Variants in RTTN observed in about 807,000 individuals in gnomAD.
RTTN encodes the protein rotatin.
A neutral mutation model predicts 269.2 loss-of-function variants in RTTN; 182 were observed. The ratio of observed to expected loss-of-function variants is 0.68; its 90% CI spans 0.60 to 0.76. The LOEUF (loss-of-function observed/expected upper bound fraction) is 0.76. Ranked by LOEUF, RTTN falls within the 30% of genes least tolerant of loss-of-function variation. The pLI, the probability that RTTN is intolerant of heterozygous loss-of-function variation, is 0.00. For missense variants in RTTN, 2,545 were observed against 2,608.6 expected, an observed-to-expected ratio of 0.98 and a Z score of 0.53; for synonymous variants, 1,006 against 963.5, an observed-to-expected ratio of 1.04 and a Z score of -0.82.
At chr18:70,161,271 T>G (rs573553006) in intron 14 of RTTN, among the ~76,000 whole-genome samples, 33 of 152,236 alleles carry the variant, frequency 2.2e-4, no homozygotes, top group African/African-American at 7.9e-4. Context: ...CAGTAAACAG[T>G]GCTGGAATAA....
chr18:70,014,888 G>A (rs1199452933), intron 46 of RTTN, among the ~76,000 whole-genome samples: 1 of 152,076 alleles, frequency 6.6e-6, no homozygotes, highest in Non-Finnish European at 1.5e-5. Context: ...AAATGCACTT[G>A]GGGCAAAATA....
intron 32 of RTTN, among the ~76,000 whole-genome samples, chr18:70,080,928 T>TCTCACA (rs1491280568): frequency 4.8e-5 from 7 of 146,796 alleles, no homozygotes; most frequent in African/African-American, 1.5e-4. Context: ...GTGTGTGGTA[T>TCTCACA]CACACACACA....
intron 46 of RTTN, chr18:70,008,485 A>G (rs1310803520): frequency 6.6e-6 from 1 of 152,086 alleles, no homozygotes; most frequent in African/African-American, 2.4e-5. Flanking sequence ...TTCTAACCCA[A>G]TGCAAGGAAG....
intron 27 of RTTN, among the ~76,000 whole-genome samples, chr18:70,111,469 C>T (rs2059464731): frequency 6.6e-6 from 1 of 152,092 alleles, no homozygotes; most frequent in Non-Finnish European, 1.5e-5. Context: ...AGCACATGGG[C>T]CTGTCAGAAG....
intron 40 of RTTN, among the ~76,000 whole-genome samples, chr18:70,036,228 T>C (rs942594024): frequency 4.6e-5 from 7 of 152,144 alleles, no homozygotes; most frequent in Non-Finnish European, 7.3e-5. Context: ...CATTCTATCA[T>C]AAAGACACAT....
chr18:70,204,563 C>G (rs1211334287), intron 2 of RTTN, among the ~76,000 whole-genome samples: 7 of 152,110 alleles, frequency 4.6e-5, no homozygotes, highest in Admixed American at 1.3e-4. Context: ...TGACACTCAC[C>G]TTATGGTCCC....
At chr18:70,128,600 C>A in intron 23 of RTTN, 54 bp from the exon 24 acceptor site, 1 of 1,489,448 alleles carries the variant, frequency 6.7e-7, no homozygotes, top group South Asian at 1.2e-5. Context: ...AAATGCTACT[C>A]AAAAAGATGA....
At chr18:70,027,599 G>A (rs977254877) in intron 43 of RTTN, among the ~76,000 whole-genome samples, 1 of 152,010 alleles carries the variant, frequency 6.6e-6, no homozygotes, top group South Asian at 2.1e-4. Context: ...TGTCATGAAT[G>A]AATATTAACT....
At chr18:70,087,093 C>T (rs543757055) in intron 31 of RTTN, among the ~76,000 whole-genome samples, 2 of 151,788 alleles carry the variant, frequency 1.3e-5, no homozygotes, top group African/African-American at 4.8e-5. Context: ...CCCTCTGCCC[C>T]GCTTTCTCCC....
chr18:70,153,032 C>T (rs17233857), intron 14 of RTTN, among the ~76,000 whole-genome samples: 3,350 of 152,176 alleles, frequency 0.022, 52 homozygotes, highest in Middle Eastern at 0.041. Context: ...TCGTGAAACA[C>T]GCAAAGTACA....
intron 40 of RTTN, among the ~76,000 whole-genome samples, chr18:70,046,762 C>T (rs1339029176): frequency 6.6e-6 from 1 of 152,152 alleles, no homozygotes; most frequent in Non-Finnish European, 1.5e-5. Flanking sequence ...TCTATCCAGG[C>T]TTCTGAAGGC....
chr18:70,148,786 G>C, intron 17 of RTTN, 115 bp downstream of exon 17: 1 of 1,265,382 alleles, frequency 7.9e-7, no homozygotes, highest in East Asian at 2.5e-5. Flanking sequence ...TCTAGTAATG[G>C]AATAACACCC....
intron 28 of RTTN, among the ~76,000 whole-genome samples, chr18:70,103,383 C>T (rs1269080855): frequency 2.6e-5 from 4 of 152,094 alleles, no homozygotes; most frequent in Non-Finnish European, 5.9e-5. Flanking sequence ...AAGAAGTAGA[C>T]ATAGCAGACT....
At chr18:70,102,726 T>C (rs1253725103) in intron 28 of RTTN, among the ~76,000 whole-genome samples, 3 of 152,214 alleles carry the variant, frequency 2.0e-5, no homozygotes, top group Non-Finnish European at 4.4e-5. Context: ...TTCCTTTCCA[T>C]GTTTAGTGAT....
At chr18:70,190,396 G>T in intron 9 of RTTN, 142 bp downstream of exon 9, 1 of 526,732 alleles carries the variant, frequency 1.9e-6, no homozygotes, top group Non-Finnish European at 3.2e-6. Context: ...GACCTTATTA[G>T]GTTTTTAGAA....
At chr18:70,071,360 T>C (rs1168493480) in intron 34 of RTTN, among the ~76,000 whole-genome samples, 3 of 152,210 alleles carry the variant, frequency 2.0e-5, no homozygotes, top group African/African-American at 7.2e-5. Flanking sequence ...AAAGGAATTA[T>C]ATTTCCCACA....
chr18:70,155,013 T>C (rs544497256), intron 14 of RTTN, among the ~76,000 whole-genome samples: 12 of 152,272 alleles, frequency 7.9e-5, no homozygotes, highest in African/African-American at 2.9e-4. Context: ...AGGAGGCTCC[T>C]GCAACTTCCT....
At chr18:70,120,589 T>A (rs1282178050) in intron 26 of RTTN, among the ~76,000 whole-genome samples, 1 of 152,178 alleles carries the variant, frequency 6.6e-6, no homozygotes, top group Non-Finnish European at 1.5e-5. Context: ...TTTCTTCTTA[T>A]TTGTGTAAAG....
At chr18:70,092,857 A>G (rs1231721583) in intron 28 of RTTN, 53 bp from the exon 29 acceptor site, 5 of 1,502,250 alleles carry the variant, frequency 3.3e-6, no homozygotes, top group Admixed American at 1.8e-5. Flanking sequence ...AATGGTATAT[A>G]AAGATAAATA....
Sources: gnomAD v4.1 joint callset for allele counts (sites outside exome capture counted in the v4.1 genomes callset) on GRCh38, gnomAD v4.1.1 for gene constraint, MANE v1.5 for transcripts, NCBI Gene and HGNC (gene_info 2026-07-23, HGNC 2026-07-21) for gene names.